OTC: variants seen among roughly 807,000 people sequenced by gnomAD.
OTC encodes ornithine transcarbamylase, also known as ornithine transcarbamylase, mitochondrial.
In OTC, 3 loss-of-function variants were observed where a neutral mutation model predicts 30.3. The observed-to-expected ratio is 0.10, with a 90% CI of 0.05 to 0.26. OTC has a LOEUF of 0.26. OTC is among the 10% of genes least tolerant of loss of function. The pLI is 1.00. For synonymous variants in OTC, 111 were observed against 99.7 expected (o/e 1.11, Z -0.67); for missense variants, 194 against 260.3 (o/e 0.75, Z 1.75).
intron 6 of OTC, among the ~76,000 whole-genome samples, 165 bp from the exon 7 acceptor site, chrX:38,408,577 T>C (rs940357275): frequency 3.6e-5 from 4 of 111,635 alleles, no homozygotes; most frequent in African/African-American, 9.8e-5. Flanking sequence ...AAAGGCACTA[T>C]TGAGTTTTGG....
In OTC at chrX:38,411,849, C is replaced by G; in HGVS notation, c.868-13C>G. On this transcript the variant is annotated splice_polypyrimidine_tract_variant and intron_variant, in intron 8 of 9. Transcript: ENST00000039007. ...ATAATAGTCAAAAAGTGGTCTTATCCCCATCTCTTTAGACTGCTAAAGTTG... is the reference window on the plus strand; with the variant it reads ...ATAATAGTCAAAAAGTGGTCTTATCGCCATCTCTTTAGACTGCTAAAGTTG... 2.5e-6 allele frequency: 3 copies of G among 1,208,521 alleles called. No homozygotes were observed. The highest frequency in any genetic ancestry group is 3.4e-6 in the Non-Finnish European group (3 of 893,241).
intron 3 of OTC, among the ~76,000 whole-genome samples, chrX:38,374,328 G>C (rs1237649965): frequency 9.1e-6 from 1 of 109,528 alleles, no homozygotes; most frequent in Non-Finnish European, 1.9e-5. Flanking sequence ...TCTTCTCCTT[G>C]GCAATGGCAG....
the OTC span, among the ~76,000 whole-genome samples, chrX:38,332,477 T>G: frequency 1.4e-5 from 1 of 73,095 alleles, no homozygotes; most frequent in Admixed American, 1.7e-4. Flanking sequence ...ATGATGTGTA[T>G]ATATAGCTAT....
At chrX:38,390,567 G>A (rs1167933095) in intron 4 of OTC, among the ~76,000 whole-genome samples, 1 of 112,416 alleles carries the variant, frequency 8.9e-6, no homozygotes, top group Non-Finnish European at 1.9e-5. Context: ...AAAGAAACTG[G>A]AGTTTAGAGG....
At position 38,421,154 on chromosome X, in the gene OTC, A is replaced by G; in HGVS notation, c.*72A>G. ...ATGAGTTGGTTTATGGGGAAAAGAG[A>G]AGAGAATCTAAAAAATAAACAAATC... On this transcript the variant is annotated 3_prime_UTR_variant, in exon 10 of 10. Coordinates refer to ENST00000039007, the MANE Select transcript of OTC (RefSeq NM_000531.6). 1 of 732,843 alleles carries G rather than the reference A, an allele frequency of 1.4e-6. No individual in the cohort carries two copies. Among genetic ancestry groups the G allele is most frequent in the East Asian group, 3.2e-5 (1 of 31,007 alleles). 60.4% of individuals were successfully genotyped at this position (732,843 alleles called of 1,213,427 possible). A position where few individuals can be genotyped will look rare whatever the true frequency, so the allele number is the denominator to read the frequency against.
chrX:38,333,366 C>G, the OTC span, among the ~76,000 whole-genome samples: 2 of 111,516 alleles, frequency 1.8e-5, no homozygotes, highest in East Asian at 2.8e-4. Flanking sequence ...AGTGGACATT[C>G]AGTGAGTAGT....
chrX:38,335,469 T>C, the OTC span, among the ~76,000 whole-genome samples: 1 of 112,951 alleles, frequency 8.9e-6, no homozygotes, highest in Non-Finnish European at 1.9e-5. Flanking sequence ...CAGGCAGCCC[T>C]GCAGTTAGAC....
chrX:38,394,506 C>A (rs918280323), intron 4 of OTC, among the ~76,000 whole-genome samples: 8 of 111,528 alleles, frequency 7.2e-5, no homozygotes, highest in African/African-American at 2.6e-4. Context: ...TCTACATCCA[C>A]CTAATCATCA....
At chrX:38,369,768 T>G (rs1167708255) in intron 2 of OTC, 28 bp from the exon 3 acceptor site, 1 of 892,371 alleles carries the variant, frequency 1.1e-6, no homozygotes, top group Non-Finnish European at 1.6e-6. Flanking sequence ...AGATATATTT[T>G]AATTCTATTC....
At chrX:38,404,306 A>C (rs1192481191) in intron 6 of OTC, among the ~76,000 whole-genome samples, 1 of 112,200 alleles carries the variant, frequency 8.9e-6, no homozygotes, top group Non-Finnish European at 1.9e-5. Flanking sequence ...CTCTCACAGC[A>C]TGTATGGAAT....
chrX:38,335,065 C>T, the OTC span, among the ~76,000 whole-genome samples: 3 of 112,108 alleles, frequency 2.7e-5, no homozygotes, highest in Non-Finnish European at 5.6e-5. Context: ...CCCTCTGGTC[C>T]ATGGAAAAAT....
At chrX:38,402,667 T>G (rs751763601) in intron 5 of OTC, among the ~76,000 whole-genome samples, 9 of 112,137 alleles carry the variant, frequency 8.0e-5, no homozygotes, top group Non-Finnish European at 1.1e-4. Context: ...TGTTTTTCAA[T>G]AAAACATTAA....
chrX:38,341,262 TAAG>T, the OTC span, among the ~76,000 whole-genome samples: 1 of 111,825 alleles, frequency 8.9e-6, no homozygotes, highest in African/African-American at 3.3e-5. Flanking sequence ...ATGATGCACA[TAAG>T]AAAAAATACC....
At chrX:38,341,340 A>G in the OTC span, among the ~76,000 whole-genome samples, 2,163 of 111,911 alleles carry the variant, frequency 0.019, 29 homozygotes, top group South Asian at 0.12. Context: ...TACATTGGAT[A>G]AAAAGAATAT....
Position 38,401,534 on chromosome X carries a change from A to G in OTC, c.540+106A>G, listed in dbSNP as rs146029887. On this transcript the variant is annotated intron_variant, in intron 5 of 9. Transcript: ENST00000039007. ...CATGGTATTGGTGTTTTATTTTCAA[A>G]TACCAGCTTGACAAAGAATTACAGC... The G allele has an allele frequency of 1.5e-3, 952 of 637,192 alleles. 3 individuals carry two copies. In the African/African-American group the frequency reaches 0.018, roughly 12 times the overall value. The allele number at this position is 637,192 out of a possible 1,213,427, so 52.5% of individuals were successfully genotyped here.
chrX:38,420,213 C>T (rs1307417868), intron 9 of OTC, among the ~76,000 whole-genome samples: 1 of 111,046 alleles, frequency 9.0e-6, no homozygotes, highest in Non-Finnish European at 1.9e-5. Flanking sequence ...TCTGCACTAT[C>T]TGTCATCTCA....
chrX:38,388,201 G>C (rs1016905719), intron 4 of OTC, among the ~76,000 whole-genome samples: 1 of 111,866 alleles, frequency 8.9e-6, no homozygotes, highest in African/African-American at 3.3e-5. Context: ...TAAGATTTGA[G>C]TTGTTTTCTT....
rs57184116 is a variant in OTC at position 38,359,914 on chromosome X, CT to C, written c.77+7155del. Reference sequence around the variant, plus strand: ...TCTGCTGGGAATTAATTCTTTCTTTCTTTTTTTTTTTTTTGTTTTTGAGGCA... The same window carrying C: ...TCTGCTGGGAATTAATTCTTTCTTTCTTTTTTTTTTTTTGTTTTTGAGGCA... On this transcript the variant is annotated intron_variant, in intron 1 of 9. Coordinates refer to ENST00000039007, the MANE Select transcript of OTC (RefSeq NM_000531.6). 4.2e-3 allele frequency among the ~76,000 whole-genome samples: 398 copies of C among 94,382 alleles called. 2 individuals carry two copies. The highest frequency in any genetic ancestry group is 0.011 in the African/African-American group (286 of 25,306). The allele number at this position is 94,382 out of a possible 115,157, so 82.0% of individuals were successfully genotyped here.
At chrX:38,360,506 A>G (rs1013313097) in intron 1 of OTC, among the ~76,000 whole-genome samples, 1 of 111,948 alleles carries the variant, frequency 8.9e-6, no homozygotes, top group African/African-American at 3.3e-5. Context: ...CTTAGACAGT[A>G]GAGTCAGGAA....
Sources: allele counts gnomAD v4.1 joint callset (sites outside exome capture counted in the v4.1 genomes callset), GRCh38; gene constraint gnomAD v4.1.1; transcripts MANE v1.5; gene names NCBI Gene and HGNC (gene_info 2026-07-23, HGNC 2026-07-21).